Variants in SERGEF observed in about 807,000 individuals in gnomAD.
SERGEF encodes the protein secretion regulating guanine nucleotide exchange factor, also known as secretion-regulating guanine nucleotide exchange factor.
In SERGEF, 51 loss-of-function variants were observed where a neutral mutation model predicts 50.0. The ratio of observed to expected loss-of-function variants is 1.02; its 90% CI spans 0.81 to 1.29. The LOEUF is 1.29. SERGEF is among the 50% of genes most tolerant of loss of function. The probability of loss-of-function intolerance (pLI) is 0.00; values close to 1 mark genes in which losing one functional copy is unlikely to be tolerated. For missense variants in SERGEF, 521 were observed against 557.0 expected, an observed-to-expected ratio of 0.94 and a Z score of 0.65; for synonymous variants, 205 against 212.4, an observed-to-expected ratio of 0.97 and a Z score of 0.30.
intron 10 of SERGEF, among the ~76,000 whole-genome samples, chr11:17,792,970 T>C (rs1027048944): frequency 1.5e-4 from 23 of 152,318 alleles, no homozygotes; most frequent in South Asian, 2.1e-4. Flanking sequence ...TTGGTCATAG[T>C]TTGCCATCCC....
At chr11:17,966,181 A>T (rs1158426408) in intron 8 of SERGEF, among the ~76,000 whole-genome samples, 1 of 152,232 alleles carries the variant, frequency 6.6e-6, no homozygotes, top group Non-Finnish European at 1.5e-5. Flanking sequence ...ATTCAAGCAT[A>T]GTGGCTTGCA....
intron 9 of SERGEF, among the ~76,000 whole-genome samples, chr11:17,945,580 C>A (rs1255875454): frequency 6.6e-6 from 1 of 152,178 alleles, no homozygotes; most frequent in Non-Finnish European, 1.5e-5. Context: ...TACTGGACAG[C>A]ACTGATCCAT....
chr11:17,846,683 G>A (rs1393563909), intron 10 of SERGEF: 2 of 456,190 alleles, frequency 4.4e-6, no homozygotes, highest in East Asian at 1.4e-4. Flanking sequence ...CTGTGATCTT[G>A]AGTATATCTC....
chr11:17,851,578 A>C (rs1170294280), intron 10 of SERGEF, among the ~76,000 whole-genome samples: 2 of 152,174 alleles, frequency 1.3e-5, no homozygotes, highest in Non-Finnish European at 2.9e-5. Context: ...CTGGTAGAAA[A>C]GTATTTACTG....
At chr11:17,860,618 T>G (rs1040914574) in intron 10 of SERGEF, among the ~76,000 whole-genome samples, 30 of 152,192 alleles carry the variant, frequency 2.0e-4, no homozygotes, top group African/African-American at 7.2e-4. Context: ...TAGAAAATTT[T>G]TAAACTATGT....
chr11:17,899,317 T>C (rs76090486), intron 9 of SERGEF, among the ~76,000 whole-genome samples: 3,236 of 152,282 alleles, frequency 0.021, 162 homozygotes, highest in East Asian at 0.2. Context: ...TTTCAAAATT[T>C]CCATCAGTAA....
At chr11:17,891,709 G>A (rs1851533638) in intron 9 of SERGEF, among the ~76,000 whole-genome samples, 1 of 152,122 alleles carries the variant, frequency 6.6e-6, no homozygotes, top group Non-Finnish European at 1.5e-5. Context: ...CATAGAATGT[G>A]GTCTAATATG....
At chr11:17,977,525 A>C (rs1853402131) in intron 8 of SERGEF, among the ~76,000 whole-genome samples, 1 of 152,188 alleles carries the variant, frequency 6.6e-6, no homozygotes, top group South Asian at 2.1e-4. Context: ...TCCCTCTGGC[A>C]GTTCACCACC....
intron 8 of SERGEF, among the ~76,000 whole-genome samples, chr11:17,970,437 C>T (rs912612939): frequency 9.9e-5 from 15 of 152,234 alleles, no homozygotes; most frequent in African/African-American, 2.6e-4. Context: ...TCCCTATTTC[C>T]GGAGACAAAA....
At position 17,915,934 on chromosome 11, in the gene SERGEF, G is replaced by T. The variant is rs147564515; in HGVS notation, c.1012-37690C>A. Among the ~76,000 whole-genome samples the T allele has an allele frequency of 1.1e-4, 17 of 152,376 alleles. No homozygotes were observed. In the East Asian group the frequency reaches 3.3e-3, roughly 29 times the overall value. On this transcript the variant is annotated intron_variant, in intron 9 of 10. Transcript: ENST00000265965. ...GAGCTAAAGAGTCTGGCCAGGTGAG[G>T]GACAGCAGCAGGTGCAGGGACTGTT...
Position 17,825,499 on chromosome 11 carries a change from T to A in SERGEF, c.1049-37086A>T, listed in dbSNP as rs76953729. Among the ~76,000 whole-genome samples the A allele has an allele frequency of 6.3e-3, 958 of 152,310 alleles. 12 individuals are homozygous for A. Among genetic ancestry groups the A allele is most frequent in the African/African-American group, 0.022 (918 of 41,564 alleles). ...GAAGTCAAATGTAAGCATTTTCTTT[T>A]CTGAACAAACTCTACCTAGTGTTTG... On this transcript the variant is annotated intron_variant, in intron 10 of 10. Coordinates refer to ENST00000265965, the MANE Select transcript of SERGEF (RefSeq NM_012139.4).
chr11:17,959,172 C>T (rs1036238795), intron 9 of SERGEF, among the ~76,000 whole-genome samples: 3 of 152,170 alleles, frequency 2.0e-5, no homozygotes, highest in African/African-American at 7.2e-5. Context: ...CCTGGCCAGC[C>T]TTGTCATTTT....
intron 1 of SERGEF, 70 bp from the exon 2 acceptor site, chr11:18,008,146 T>C: frequency 6.8e-7 from 1 of 1,473,416 alleles, no homozygotes; most frequent in Non-Finnish European, 9.3e-7. Context: ...TACCTGTCTC[T>C]GTCTCTCTCA....
At chr11:17,954,234 G>A (rs1186367089) in intron 9 of SERGEF, among the ~76,000 whole-genome samples, 1 of 152,182 alleles carries the variant, frequency 6.6e-6, no homozygotes, top group Non-Finnish European at 1.5e-5. Flanking sequence ...GCTGGTGGTA[G>A]ATTTCTGTGT....
intron 10 of SERGEF, among the ~76,000 whole-genome samples, chr11:17,812,748 T>C (rs1170991290): frequency 1.3e-5 from 2 of 152,252 alleles, no homozygotes; most frequent in Non-Finnish European, 2.9e-5. Context: ...TTCATTATAC[T>C]GCTTACTTAC....
chr11:17,956,210 A>G (rs1210150333), intron 9 of SERGEF, among the ~76,000 whole-genome samples: 1 of 152,172 alleles, frequency 6.6e-6, no homozygotes, highest in Non-Finnish European at 1.5e-5. Flanking sequence ...GGCTCAGAAG[A>G]AAAGAATTGA....
intron 10 of SERGEF, among the ~76,000 whole-genome samples, chr11:17,791,118 C>T (rs912192372): frequency 6.6e-6 from 1 of 152,144 alleles, no homozygotes. Flanking sequence ...ATAATGGCTG[C>T]CTAATTACCT....
chr11:17,807,336 C>A (rs372313440), intron 10 of SERGEF, among the ~76,000 whole-genome samples: 67 of 102,114 alleles, frequency 6.6e-4, no homozygotes, highest in African/African-American at 1.8e-3. Context: ...ACTCCCCCCC[C>A]ACAAAAAAAA....
intron 9 of SERGEF, among the ~76,000 whole-genome samples, chr11:17,890,609 T>A (rs561123): frequency 1.3e-5 from 2 of 151,856 alleles, no homozygotes; most frequent in African/African-American, 2.4e-5. Flanking sequence ...TTTGTAGAGA[T>A]GGGGTCTTAT....
Sources: allele counts gnomAD v4.1 joint callset (sites outside exome capture counted in the v4.1 genomes callset), GRCh38; gene constraint gnomAD v4.1.1; transcripts MANE v1.5; gene names NCBI Gene and HGNC (gene_info 2026-07-23, HGNC 2026-07-21).